ZNF384: variants seen among roughly 807,000 people sequenced by gnomAD.
ZNF384 encodes zinc finger protein 384.
Under a neutral mutation model 65.0 loss-of-function variants are expected in ZNF384, and 20 were observed. The ratio of observed to expected loss-of-function variants is 0.31; its 90% CI spans 0.22 to 0.45. The LOEUF is 0.45. Among genes scored for constraint, ZNF384 ranks in the 20% least tolerant of loss-of-function variants. The probability of loss-of-function intolerance (pLI) is 1.00; values close to 1 mark genes in which losing one functional copy is unlikely to be tolerated. For missense variants in ZNF384, 549 were observed against 769.4 expected, an observed-to-expected ratio of 0.71 and a Z score of 3.39; for synonymous variants, 310 against 303.9, an observed-to-expected ratio of 1.02 and a Z score of -0.21.
chr12:6,674,628 A>C (rs1952796847), intron 7 of ZNF384, among the ~76,000 whole-genome samples: 3 of 152,102 alleles, frequency 2.0e-5, no homozygotes, highest in South Asian at 4.1e-4. Context: ...TGCAGGAGAG[A>C]GGGGGAGGCT....
In ZNF384 at chr12:6,673,545, A is replaced by G; in HGVS notation, c.780-105T>C. The G allele has an allele frequency of 2.2e-6, 2 of 902,394 alleles. No individual in the cohort carries two copies. 55.9% of individuals were successfully genotyped at this position (902,394 alleles called of 1,614,324 possible). The stretch of plus-strand genomic sequence containing the variant: ...AGCCCACCTATCTGAGGTCTCTCCT[A>G]CTCCAACTTGAGAGTAGAGCTCTAT... On this transcript the variant is annotated intron_variant, in intron 7 of 11. Coordinates refer to ENST00000683879, the MANE Select transcript of ZNF384 (RefSeq NM_001385745.1). The surrounding 1 kb of genome is among the most constrained non-coding windows in gnomAD (Gnocchi z 4.7).
Position 6,678,904 on chromosome 12 carries a change from G to A in ZNF384, c.304+42C>T. ...CCTCCAGCCTGGGGTACTGATCATG[G>A]AAGATCAACACCTCAGATTGGAGAA... On this transcript the variant is annotated intron_variant, in intron 4 of 11. Transcript: ENST00000683879. This position sits in a 1 kb window ranked among gnomAD's most constrained non-coding sequence, Gnocchi z 4.9. 1 of 1,587,180 alleles carries A rather than the reference G, an allele frequency of 6.3e-7. No homozygotes were observed. The highest frequency in any genetic ancestry group is 8.6e-7 in the Non-Finnish European group (1 of 1,156,934).
In ZNF384 at chr12:6,678,198, G is replaced by A. The variant is rs374265194; in HGVS notation, c.615C>T (p.Pro205=). ...AGAGGACATAAGGGTCATTCATCTC[G>A]GGCAGCCCTGATTCCAGCATCCGCT... ...KKKRMLESGL[P]EMNDPYVLSP... Residue 205 remains proline, a synonymous_variant, in exon 6 of 12, where the codon CCC becomes CCT. Coordinates refer to ENST00000683879, the MANE Select transcript of ZNF384 (RefSeq NM_001385745.1). This position sits in a 1 kb window ranked among gnomAD's most constrained non-coding sequence, Gnocchi z 4.9. The A allele has an allele frequency of 6.2e-7, 1 of 1,614,080 alleles. No homozygotes were observed. Among genetic ancestry groups the A allele is most frequent in the Non-Finnish European group, 8.5e-7 (1 of 1,180,010 alleles).
intron 7 of ZNF384, among the ~76,000 whole-genome samples, chr12:6,675,032 C>T (rs1464299591): frequency 1.3e-5 from 2 of 152,188 alleles, no homozygotes; most frequent in East Asian, 1.9e-4. Flanking sequence ...AATAAAATCT[C>T]GTCAATTTGT....
chr12:6,668,173 G>C (rs1437248698), intron 11 of ZNF384, 58 bp from the exon 12 acceptor site: 2 of 1,472,222 alleles, frequency 1.4e-6, no homozygotes, highest in Admixed American at 2.1e-5. Context: ...GAGATTACTT[G>C]TAACTAGCAC....
rs552862564 is a variant in ZNF384 at position 6,681,257 on chromosome 12, C to T, written c.-5-1732G>A. 1.3e-4 allele frequency among the ~76,000 whole-genome samples: 19 copies of T among 150,750 alleles called. No individual in the cohort carries two copies. The East Asian group carries it at 3.1e-3, about 25-fold the overall frequency. ...TTCTGAGAAACAAGAAGAAAAGTAA[C>T]CCCTCCGAATCATGCCAACAAATAA... On this transcript the variant is annotated intron_variant, in intron 2 of 11. Coordinates refer to ENST00000683879, the MANE Select transcript of ZNF384 (RefSeq NM_001385745.1).
At chr12:6,676,939 T>G (rs1368610754) in intron 7 of ZNF384, among the ~76,000 whole-genome samples, 1 of 152,220 alleles carries the variant, frequency 6.6e-6, no homozygotes, top group Admixed American at 6.6e-5. Flanking sequence ...CCTCTCATTT[T>G]CATTTATAAA....
chr12:6,671,446 C>A (rs1951467258), intron 9 of ZNF384: 1 of 152,446 alleles, frequency 6.6e-6, no homozygotes, highest in South Asian at 2.1e-4. Context: ...TAAGATGAGC[C>A]AAGGACTTGA....
chr12:6,668,209 A>G (rs980362861), intron 11 of ZNF384, 94 bp from the exon 12 acceptor site: 2 of 1,315,972 alleles, frequency 1.5e-6, no homozygotes, highest in Admixed American at 4.5e-5. Context: ...TGCTGTAAGC[A>G]GAGTAAGCTT....
chr12:6,670,352 C>T (rs1480401987), intron 10 of ZNF384, among the ~76,000 whole-genome samples: 2 of 151,734 alleles, frequency 1.3e-5, no homozygotes, highest in South Asian at 2.1e-4. Flanking sequence ...CACTTGAGAC[C>T]GGGAGGCTGA....
chr12:6,678,239 G>A lies in ZNF384; in HGVS notation c.574C>T (p.Arg192Trp), dbSNP rs1378255020. 3.7e-6 allele frequency: 6 copies of A among 1,613,982 alleles called. No homozygotes were observed. Among genetic ancestry groups the A allele is most frequent in the South Asian group, 1.1e-5 (1 of 91,078 alleles). ...AGCATCCGCTTCTTCTTCCGGCCCCGGGGTGGCTTAGGAGCCACACTGCCA... is the reference window on the plus strand; with the variant it reads ...AGCATCCGCTTCTTCTTCCGGCCCCAGGGTGGCTTAGGAGCCACACTGCCA... ...GGGSVAPKPP[R>W]GRKKKRMLES... The change falls in exon 6 of 12, where the codon CGG becomes TGG. Residue 192 changes from arginine to tryptophan, a missense_variant. Coordinates refer to ENST00000683879, the MANE Select transcript of ZNF384 (RefSeq NM_001385745.1). This position sits in a 1 kb window ranked among gnomAD's most constrained non-coding sequence, Gnocchi z 4.9.
intron 2 of ZNF384, among the ~76,000 whole-genome samples, chr12:6,683,604 G>GT (rs1414380684): frequency 6.9e-6 from 1 of 144,972 alleles, no homozygotes; most frequent in South Asian, 2.2e-4. Context: ...CCTGAGTGCA[G>GT]TAAGTCGAGA....
In ZNF384 at chr12:6,672,299, G is replaced by C; in HGVS notation, c.1187+51C>G. On this transcript the variant is annotated intron_variant, in intron 9 of 11. Transcript: ENST00000683879. The surrounding 1 kb of genome is among the most constrained non-coding windows in gnomAD (Gnocchi z 4.4). ...TGTTGTGTGTGTCCGGGGCGGGGGTGGGGAGGGCATGCCAGCGGGGCGGGG... is the reference window on the plus strand; with the variant it reads ...TGTTGTGTGTGTCCGGGGCGGGGGTCGGGAGGGCATGCCAGCGGGGCGGGG... 6.4e-7 allele frequency: 1 copy of C among 1,565,158 alleles called. No individual in the cohort carries two copies. The highest frequency in any genetic ancestry group is 8.7e-7 in the Non-Finnish European group (1 of 1,152,662).
At chr12:6,668,920 A>G in intron 11 of ZNF384, 111 bp downstream of exon 11, 2 of 1,194,624 alleles carry the variant, frequency 1.7e-6, no homozygotes, top group Non-Finnish European at 2.3e-6. Context: ...GCTAAGTTGG[A>G]GCTAGGGAGG....
At position 6,667,715 on chromosome 12, in the gene ZNF384, T is replaced by C; in HGVS notation, c.1826A>G (p.Ter609TrpextTer13). Residue 609 changes from the stop codon to tryptophan (W), a stop_lost, in exon 12 of 12, where the codon TAG (stop) becomes TGG (tryptophan). Coordinates refer to ENST00000683879, the MANE Select transcript of ZNF384 (RefSeq NM_001385745.1). ...TIQVEHLASS[*>W] ...CCCAGTGGGTGGCAGCACGGATCTC[T>C]AAGAGCTGGCCAGGTGCTCCACCTG... is the stretch of plus-strand genomic sequence containing the variant. 1 of 1,614,122 alleles carries C rather than the reference T, an allele frequency of 6.2e-7. No individual in the cohort carries two copies. Among genetic ancestry groups the C allele is most frequent in the Non-Finnish European group, 8.5e-7 (1 of 1,180,008 alleles).
rs993510941 is a variant in ZNF384, at chr12:6,673,946, C to G, written c.780-506G>C. On this transcript the variant is annotated intron_variant, in intron 7 of 11. Coordinates refer to ENST00000683879, the MANE Select transcript of ZNF384 (RefSeq NM_001385745.1). This position sits in a 1 kb window ranked among gnomAD's most constrained non-coding sequence, Gnocchi z 4.7. Reference sequence around the variant, plus strand: ...TTTTCCCCTACTTCCTTTTTGGCAGCGATTCCTAGAGGGATGGGGGTGAGG... The same window carrying G: ...TTTTCCCCTACTTCCTTTTTGGCAGGGATTCCTAGAGGGATGGGGGTGAGG... Among the ~76,000 whole-genome samples, 6 of 152,040 alleles carry G rather than the reference C, an allele frequency of 3.9e-5. No homozygotes were observed. The highest frequency in any genetic ancestry group is 1.4e-4 in the African/African-American group (6 of 41,386).
In ZNF384 at chr12:6,667,972, G is replaced by GGCCTGGGCTTGAGCCTGA; in HGVS notation, c.1551_1568dup (p.Gln522_Ala527dup). 1 of 1,611,990 alleles carries GGCCTGGGCTTGAGCCTGA rather than the reference G, an allele frequency of 6.2e-7. No individual in the cohort carries two copies. Among genetic ancestry groups the GGCCTGGGCTTGAGCCTGA allele is most frequent in the Non-Finnish European group, 8.5e-7 (1 of 1,178,796 alleles). On this transcript the variant is annotated inframe_insertion, in exon 12 of 12. Coordinates refer to ENST00000683879, the MANE Select transcript of ZNF384 (RefSeq NM_001385745.1). The stretch of plus-strand genomic sequence containing the variant: ...GTGATGCCTGGGAGGCCTGGGCCTG[G>GGCCTGGGCTTGAGCCTGA]GCCTGGGCTTGAGCCTGAGCCTGAG...
Position 6,670,831 on chromosome 12 carries a change from T to A in ZNF384, c.1195A>T (p.Thr399Ser), listed in dbSNP as rs752149319. The stretch of plus-strand genomic sequence containing the variant: ...GCACATTTGTATGGTCTATCACCAG[T>A]GTGGATTCTGCACAGGATAAGAGAA... Reference protein sequence around the residue: ...SHLQQHTRIHTGDRPYKCAHP... With the variant: ...SHLQQHTRIHSGDRPYKCAHP... The change falls in exon 10 of 12, where the codon ACT (threonine) becomes TCT (serine). Residue 399 changes from threonine (T) to serine (S), a missense_variant. By Grantham distance (58) the Thr-to-Ser change is moderately conservative. Around this residue, in one of 5 missense-constraint regions of ZNF384, gnomAD observed 38 missense variants for 99.7 expected, o/e 0.38. Transcript: ENST00000683879. 1 of 1,614,034 alleles carries A rather than the reference T, an allele frequency of 6.2e-7. No individual in the cohort carries two copies. The highest frequency in any genetic ancestry group is 1.7e-5 in the Admixed American group (1 of 60,028).
chr12:6,668,289 A>T (rs1950278533), intron 11 of ZNF384, among the ~76,000 whole-genome samples, 174 bp from the exon 12 acceptor site: 1 of 152,200 alleles, frequency 6.6e-6, no homozygotes, highest in South Asian at 2.1e-4. Flanking sequence ...CTACTGAGAA[A>T]AAAAAGAGAG....
Sources: gnomAD v4.1 joint callset for allele counts (sites outside exome capture counted in the v4.1 genomes callset) on GRCh38, gnomAD v4.1.1 for gene constraint, gnomAD v4.1.1 regional missense constraint, Gnocchi (gnomAD v3.1) non-coding constraint, MANE v1.5 for transcripts, NCBI Gene and HGNC (gene_info 2026-07-23, HGNC 2026-07-21) for gene names.